RAI14: variants seen among roughly 807,000 people sequenced by gnomAD.
The protein encoded by RAI14 is retinoic acid induced 14, also known as ankycorbin.
In RAI14, 45 loss-of-function variants were observed where a neutral mutation model predicts 115.4. The ratio of observed to expected loss-of-function variants is 0.39; its 90% CI spans 0.31 to 0.50. The LOEUF (loss-of-function observed/expected upper bound fraction) is 0.50, where lower values mean the gene tolerates loss of function less well. Among genes scored for constraint, RAI14 ranks in the 20% least tolerant of loss-of-function variants. RAI14 has a pLI of 0.85. For missense variants in RAI14, 939 were observed against 1,131.2 expected (o/e 0.83, Z 2.44); for synonymous variants, 371 against 415.4 (o/e 0.89, Z 1.30).
intron 12 of RAI14, among the ~76,000 whole-genome samples, chr5:34,817,358 A>C (rs540924363): frequency 3.5e-4 from 53 of 152,082 alleles, no homozygotes; most frequent in Middle Eastern, 3.4e-3. Flanking sequence ...AGGATTGAGG[A>C]TGTTGCAGAA....
At chr5:34,707,151 C>T (rs181548672) in intron 2 of RAI14, among the ~76,000 whole-genome samples, 1 of 152,276 alleles carries the variant, frequency 6.6e-6, no homozygotes, top group East Asian at 1.9e-4. Context: ...GTTAGCCTCC[C>T]TGGGTTTCCA....
At chr5:34,688,996 T>A (rs545039866) in intron 2 of RAI14, among the ~76,000 whole-genome samples, 1 of 152,336 alleles carries the variant, frequency 6.6e-6, no homozygotes, top group East Asian at 1.9e-4. Flanking sequence ...TGCAGTCATT[T>A]GTCTGGGTTC....
chr5:34,777,255 G>A (rs1238852840), intron 3 of RAI14, among the ~76,000 whole-genome samples: 2 of 152,174 alleles, frequency 1.3e-5, no homozygotes, highest in Non-Finnish European at 2.9e-5. Flanking sequence ...GCAAAGATAT[G>A]CAGTCAACCC....
intron 3 of RAI14, among the ~76,000 whole-genome samples, chr5:34,780,689 G>A (rs1248668768): frequency 1.3e-5 from 2 of 152,152 alleles, no homozygotes; most frequent in African/African-American, 4.8e-5. Context: ...TCTCACACCA[G>A]TTAGAATGGC....
intron 1 of RAI14, among the ~76,000 whole-genome samples, chr5:34,657,430 C>G (rs1742362017): frequency 6.6e-6 from 1 of 152,210 alleles, no homozygotes; most frequent in African/African-American, 2.4e-5. Context: ...CAGCCCAGCA[C>G]AGCGTGGAGG....
chr5:34,790,310 T>A (rs1204182165), intron 3 of RAI14, among the ~76,000 whole-genome samples: 3 of 152,204 alleles, frequency 2.0e-5, no homozygotes, highest in Non-Finnish European at 4.4e-5. Context: ...AATACATAAG[T>A]GCTTTCATAA....
chr5:34,746,684 C>T (rs1028494444), intron 2 of RAI14, among the ~76,000 whole-genome samples: 4 of 152,126 alleles, frequency 2.6e-5, no homozygotes, highest in African/African-American at 9.7e-5. Flanking sequence ...ACCTTTCATG[C>T]TATCTCTGTC....
intron 2 of RAI14, among the ~76,000 whole-genome samples, chr5:34,746,962 C>T (rs1437801522): frequency 6.6e-6 from 1 of 152,138 alleles, no homozygotes; most frequent in Non-Finnish European, 1.5e-5. Context: ...TCTGCTTTTG[C>T]TTCTTCCTCA....
chr5:34,712,595 G>A (rs1400279181), intron 2 of RAI14, among the ~76,000 whole-genome samples: 1 of 152,176 alleles, frequency 6.6e-6, no homozygotes, highest in East Asian at 1.9e-4. Context: ...TGTGTTGAAA[G>A]TGCTTTTTAA....
intron 3 of RAI14, among the ~76,000 whole-genome samples, chr5:34,772,088 C>T (rs1750238034): frequency 6.6e-6 from 1 of 152,088 alleles, no homozygotes. Context: ...TATTTTTGTA[C>T]TTTTTGTAGA....
rs573059085 is a variant in RAI14 at position 34,814,147 on chromosome 5, G to A, written c.853-436G>A. Among the ~76,000 whole-genome samples, 12 of 152,170 alleles carry A rather than the reference G, an allele frequency of 7.9e-5. No individual in the cohort carries two copies. The South Asian group carries it at 2.5e-3, about 32-fold the overall frequency. On this transcript the variant is annotated intron_variant, in intron 11 of 17. Transcript: ENST00000265109. The stretch of plus-strand genomic sequence containing the variant: ...TTTCATTTCTGAGCTTTATAGTGAC[G>A]GTTGCATAGAGGAGGAAGCTCAGTA...
At chr5:34,790,767 C>CT (rs1752831134) in intron 3 of RAI14, among the ~76,000 whole-genome samples, 1 of 144,884 alleles carries the variant, frequency 6.9e-6, no homozygotes, top group Non-Finnish European at 1.5e-5. Context: ...TGTATATATA[C>CT]ATATATATAT....
chr5:34,683,774 G>A (rs755990448), intron 1 of RAI14, among the ~76,000 whole-genome samples: 2 of 151,708 alleles, frequency 1.3e-5, no homozygotes, highest in Admixed American at 6.6e-5. Context: ...GTCGCCCAGG[G>A]TGGAGTGCAG....
chr5:34,784,006 A>G (rs149371129), intron 3 of RAI14, among the ~76,000 whole-genome samples: 2,412 of 152,354 alleles, frequency 0.016, 32 homozygotes, highest in Middle Eastern at 0.031. Context: ...CATGTGTGAC[A>G]TCCATTTGCC....
intron 4 of RAI14, among the ~76,000 whole-genome samples, chr5:34,798,823 G>C (rs1190424473): frequency 6.6e-6 from 1 of 152,246 alleles, no homozygotes; most frequent in Non-Finnish European, 1.5e-5. Flanking sequence ...GGATTCGCCA[G>C]TGGGAACCAA....
chr5:34,804,246 G>T (rs1213326790), intron 5 of RAI14, among the ~76,000 whole-genome samples: 1 of 152,056 alleles, frequency 6.6e-6, no homozygotes, highest in East Asian at 1.9e-4. Flanking sequence ...CAGTTCTTGG[G>T]TTTTGTTTAA....
At chr5:34,746,950 T>A (rs1331364764) in intron 2 of RAI14, among the ~76,000 whole-genome samples, 1 of 152,172 alleles carries the variant, frequency 6.6e-6, no homozygotes, top group Non-Finnish European at 1.5e-5. Context: ...TTATCAGGGA[T>A]TTCTGCTTTT....
chr5:34,792,584 G>C (rs1753062747), intron 3 of RAI14, among the ~76,000 whole-genome samples: 1 of 152,188 alleles, frequency 6.6e-6, no homozygotes, highest in Non-Finnish European at 1.5e-5. Context: ...TTAGAAAGCA[G>C]AGCAGAAGCT....
At chr5:34,754,628 C>T (rs1282531996) in intron 2 of RAI14, among the ~76,000 whole-genome samples, 1 of 152,108 alleles carries the variant, frequency 6.6e-6, no homozygotes, top group African/African-American at 2.4e-5. Context: ...TGAAGATTTG[C>T]TTGTGTAGCC....
Sources: allele counts gnomAD v4.1 joint callset (sites outside exome capture counted in the v4.1 genomes callset), GRCh38; gene constraint gnomAD v4.1.1; transcripts MANE v1.5; gene names NCBI Gene and HGNC (gene_info 2026-07-23, HGNC 2026-07-21).